The following LRRC53 variants were observed in gnomAD, a reference collection of about 807,000 sequenced individuals.
LRRC53 encodes leucine-rich repeat-containing protein 53.
In LRRC53, 25 loss-of-function variants were observed where a neutral mutation model predicts 13.6. That is an observed-to-expected ratio of 1.83 (90% CI 1.34 to 2.56). The LOEUF (loss-of-function observed/expected upper bound fraction) is 2.56, where lower values mean the gene tolerates loss of function less well. LRRC53 is among the 30% of genes most tolerant of loss of function. The probability of loss-of-function intolerance (pLI) is 0.00; values close to 1 mark genes in which losing one functional copy is unlikely to be tolerated. For missense variants in LRRC53, 527 were observed against 275.8 expected, an observed-to-expected ratio of 1.91 and a Z score of -6.45; for synonymous variants, 204 against 109.8, an observed-to-expected ratio of 1.86 and a Z score of -5.37.
the LRRC53 span, among the ~76,000 whole-genome samples, chr1:74,536,655 A>T: frequency 6.6e-6 from 1 of 152,120 alleles, no homozygotes; most frequent in Non-Finnish European, 1.5e-5. Flanking sequence ...ATAAAATTTC[A>T]TTTTACATCC....
At chr1:74,489,586 T>A (rs1334409589) in intron 1 of LRRC53, among the ~76,000 whole-genome samples, 1 of 152,186 alleles carries the variant, frequency 6.6e-6, no homozygotes, top group Non-Finnish European at 1.5e-5. Flanking sequence ...CAAAAATTCT[T>A]CATACAGAGA....
chr1:74,471,710 C>A lies in LRRC53; in HGVS notation c.1912G>T (p.Val638Phe), dbSNP rs1316473797. Residue 638 changes from valine (V) to phenylalanine (F), a missense_variant, in exon 5 of 5, where the codon GTT (valine) becomes TTT (phenylalanine). Coordinates refer to ENST00000294635, the MANE Select transcript of LRRC53 (RefSeq NM_001382280.1). Reference protein sequence around the residue: ...KTKKAYSPKRVIFHDPDLVEI... With the variant: ...KTKKAYSPKRFIFHDPDLVEI... ...ACTAAATCAGGATCATGGAAGATAA[C>A]CCTCTTTGGGGAATATGCTTTCTTG... 9 of 402,170 alleles carry A rather than the reference C, an allele frequency of 2.2e-5. No individual in the cohort carries two copies. The highest frequency in any genetic ancestry group is 1.6e-4 in the African/African-American group (8 of 48,682). 24.9% of individuals were successfully genotyped at this position (402,170 alleles called of 1,614,324 possible).
the LRRC53 span, among the ~76,000 whole-genome samples, chr1:74,522,216 A>T: frequency 6.6e-6 from 1 of 152,220 alleles, no homozygotes. Flanking sequence ...ATACAAGGTT[A>T]TAGACTCAGG....
chr1:74,523,222 G>A, the LRRC53 span, among the ~76,000 whole-genome samples: 1 of 152,256 alleles, frequency 6.6e-6, no homozygotes, highest in South Asian at 2.1e-4. Context: ...ATAAGGAATT[G>A]TATGTGAAAT....
chr1:74,474,930 G>A (rs962807705), intron 4 of LRRC53, among the ~76,000 whole-genome samples: 5 of 152,022 alleles, frequency 3.3e-5, no homozygotes, highest in African/African-American at 7.2e-5. Flanking sequence ...ATTAGAGCTC[G>A]AAGGATGTTG....
Position 74,489,195 on chromosome 1 carries a change from C to A in LRRC53, c.-26-5820G>T, listed in dbSNP as rs367667018. 32 of 1,610,530 alleles carry A rather than the reference C, an allele frequency of 2.0e-5. No homozygotes were observed. The East Asian group carries it at 4.5e-4, about 23-fold the overall frequency. ...TTCTTTTTTCTATTTACAGGGAAGA[C>A]CCGAATTTTCTGAAGTTGTCATGAA... On this transcript the variant is annotated intron_variant, in intron 1 of 4. Transcript: ENST00000294635.
chr1:74,508,799 G>A (rs1570719155), intron 1 of LRRC53, among the ~76,000 whole-genome samples: 2 of 152,266 alleles, frequency 1.3e-5, no homozygotes, highest in South Asian at 4.1e-4. Flanking sequence ...TGAAGCCAGA[G>A]GTATGTGTTC....
At chr1:74,516,425 G>C (rs11210472), upstream of LRRC53, among the ~76,000 whole-genome samples, 1 of 152,094 alleles carries the variant, frequency 6.6e-6, no homozygotes, top group Non-Finnish European at 1.5e-5. Context: ...TATCAAATCC[G>C]TACAATACAA....
chr1:74,497,548 C>G (rs1370644149), intron 1 of LRRC53, among the ~76,000 whole-genome samples: 1 of 151,634 alleles, frequency 6.6e-6, no homozygotes, highest in Non-Finnish European at 1.5e-5. Flanking sequence ...ATGGCTTCAA[C>G]TCACACCACA....
At chr1:74,485,325 G>A (rs757960083) in intron 1 of LRRC53, among the ~76,000 whole-genome samples, 1 of 152,162 alleles carries the variant, frequency 6.6e-6, no homozygotes, top group Non-Finnish European at 1.5e-5. Context: ...CCCTGCATGG[G>A]GCAGCAGATC....
At chr1:74,518,450 T>C in the LRRC53 span, among the ~76,000 whole-genome samples, 1 of 152,164 alleles carries the variant, frequency 6.6e-6, no homozygotes, top group Non-Finnish European at 1.5e-5. Context: ...TTATAGACTC[T>C]TGGTTGCTTC....
At chr1:74,509,106 T>C (rs1670052938) in intron 1 of LRRC53, among the ~76,000 whole-genome samples, 1 of 152,198 alleles carries the variant, frequency 6.6e-6, no homozygotes, top group African/African-American at 2.4e-5. Context: ...TATCACTTAT[T>C]CTCTTTGAGA....
chr1:74,486,246 C>T (rs905329654), intron 1 of LRRC53, among the ~76,000 whole-genome samples: 22 of 93,180 alleles, frequency 2.4e-4, no homozygotes, highest in African/African-American at 6.8e-4. Context: ...GGGAAATATA[C>T]TAGTTCCTTT....
At chr1:74,501,472 T>TTGTG (rs770625978) in intron 1 of LRRC53, among the ~76,000 whole-genome samples, 1 of 112,822 alleles carries the variant, frequency 8.9e-6, no homozygotes, top group African/African-American at 3.0e-5. Context: ...TTTTTTTGTT[T>TTGTG]TGTGTTTGTT....
At chr1:74,477,323 A>G (rs1668253061) in intron 3 of LRRC53, among the ~76,000 whole-genome samples, 1 of 152,006 alleles carries the variant, frequency 6.6e-6, no homozygotes, top group South Asian at 2.1e-4. Flanking sequence ...AACTAATACT[A>G]CCCAGGGATT....
At chr1:74,530,458 C>T in the LRRC53 span, among the ~76,000 whole-genome samples, 13 of 152,066 alleles carry the variant, frequency 8.5e-5, no homozygotes, top group African/African-American at 3.1e-4. Flanking sequence ...TGTAAAGTAT[C>T]GAGTAGAGTC....
At chr1:74,536,720 A>G in the LRRC53 span, among the ~76,000 whole-genome samples, 1 of 152,200 alleles carries the variant, frequency 6.6e-6, no homozygotes, top group Non-Finnish European at 1.5e-5. Flanking sequence ...TCTATGATAT[A>G]TATCATCATC....
intron 1 of LRRC53, among the ~76,000 whole-genome samples, chr1:74,492,546 G>T (rs1489672089): frequency 2.6e-5 from 4 of 152,156 alleles, no homozygotes; most frequent in African/African-American, 9.7e-5. Flanking sequence ...GTATTCTGAA[G>T]CTATTTTATG....
At chr1:74,513,671 TCA>T, upstream of LRRC53, among the ~76,000 whole-genome samples, 1 of 152,342 alleles carries the variant, frequency 6.6e-6, no homozygotes, top group African/African-American at 2.4e-5. Flanking sequence ...CCTTTTTGTT[TCA>T]GAGTTTCATG....
Sources: gnomAD v4.1 joint callset for allele counts (sites outside exome capture counted in the v4.1 genomes callset) on GRCh38, gnomAD v4.1.1 for gene constraint, MANE v1.5 for transcripts, NCBI Gene and HGNC (gene_info 2026-07-23, HGNC 2026-07-21) for gene names.